The following FAT4 variants were observed in gnomAD, a reference collection of about 807,000 sequenced individuals.
FAT4 encodes the protein FAT atypical cadherin 4.
A neutral mutation model predicts 303.9 loss-of-function variants in FAT4; 84 were observed. The observed-to-expected ratio is 0.28, with a 90% CI of 0.23 to 0.33. The LOEUF (loss-of-function observed/expected upper bound fraction) is 0.33, where lower values mean the gene tolerates loss of function less well. Ranked by LOEUF, FAT4 falls within the 10% of genes least tolerant of loss-of-function variation. The probability of loss-of-function intolerance (pLI) is 1.00; values close to 1 mark genes in which losing one functional copy is unlikely to be tolerated. For synonymous variants in FAT4, 2,307 were observed against 2,298.8 expected (o/e 1.00, Z -0.10); for missense variants, 6,005 against 6,146.8 (o/e 0.98, Z 0.77).
chr4:125,442,365 A>AT (rs981620751), intron 8 of FAT4, among the ~76,000 whole-genome samples: 2 of 151,936 alleles, frequency 1.3e-5, no homozygotes, highest in East Asian at 1.9e-4. Context: ...TGAAACCAGG[A>AT]TTTTTTTTAA....
At chr4:125,323,501 A>G (rs536157420) in intron 2 of FAT4, among the ~76,000 whole-genome samples, 2 of 152,242 alleles carry the variant, frequency 1.3e-5, no homozygotes, top group East Asian at 3.9e-4. Context: ...GGAGAATTCA[A>G]TGTGATGATT....
chr4:125,468,588 C>G lies in FAT4; in HGVS notation c.11982C>G (p.Asp3994Glu). The change falls in exon 12 of 18, where the codon GAC becomes GAG. Residue 3994 changes from aspartate to glutamate, a missense_variant. Transcript: ENST00000394329. Reference protein sequence around the residue: ...ELSYMEFPSLDPNNNYIYVKF... With the variant: ...ELSYMEFPSLEPNNNYIYVKF... Reference sequence around the variant, plus strand: ...CATACATGGAATTTCCAAGCTTGGACCCCAATAACAACTATATTTATGTCA... The same window carrying G: ...CATACATGGAATTTCCAAGCTTGGAGCCCAATAACAACTATATTTATGTCA... The G allele has an allele frequency of 1.9e-6, 3 of 1,613,896 alleles. No individual in the cohort carries two copies. In the African/African-American group the frequency reaches 4.0e-5, roughly 22 times the overall value.
chr4:125,455,156 G>A (rs952692350), intron 10 of FAT4, among the ~76,000 whole-genome samples: 1 of 152,086 alleles, frequency 6.6e-6, no homozygotes, highest in African/African-American at 2.4e-5. Context: ...TTCTACATTA[G>A]TCTAATGCAT....
chr4:125,364,848 C>T (rs773534883), intron 2 of FAT4, among the ~76,000 whole-genome samples: 2 of 151,992 alleles, frequency 1.3e-5, no homozygotes, highest in South Asian at 2.1e-4. Flanking sequence ...GAGAAGCCAT[C>T]AAGAGTTTTT....
chr4:125,332,925 C>T (rs1418842385), intron 2 of FAT4, among the ~76,000 whole-genome samples: 1 of 151,940 alleles, frequency 6.6e-6, no homozygotes, highest in Non-Finnish European at 1.5e-5. Context: ...GATGGGCTTT[C>T]TTCTGCTCGG....
intron 2 of FAT4, among the ~76,000 whole-genome samples, chr4:125,328,037 C>T (rs908670753): frequency 1.2e-4 from 19 of 152,036 alleles, no homozygotes; most frequent in African/African-American, 4.6e-4. Context: ...AGGTGGTATT[C>T]CGAATTAGGC....
At position 125,487,608 on chromosome 4, in the gene FAT4, TA is replaced by T. The variant is rs770548082; in HGVS notation, c.13084+5del. The T allele has an allele frequency of 6.3e-7, 1 of 1,591,146 alleles. No individual in the cohort carries two copies. The highest frequency in any genetic ancestry group is 2.2e-5 in the East Asian group (1 of 44,518). ...AAGCACATCGAGATGCCCAAACAGG[TA>T]AATGCCTTTATTAAGTAGAGTCACA... On this transcript the variant is annotated splice_donor_region_variant and intron_variant, in intron 17 of 17. Coordinates refer to ENST00000394329, the MANE Select transcript of FAT4 (RefSeq NM_001291303.3).
intron 16 of FAT4, among the ~76,000 whole-genome samples, chr4:125,484,228 G>T (rs766009871): frequency 2.2e-4 from 34 of 151,990 alleles, no homozygotes; most frequent in Admixed American, 9.2e-4. Flanking sequence ...GGAGAGAGAA[G>T]AATATGTAGA....
At position 125,408,745 on chromosome 4, in the gene FAT4, A is replaced by C. The variant is rs766136442; in HGVS notation, c.5871A>C (p.Leu1957=). Residue 1957 remains leucine, a synonymous_variant, in exon 5 of 18, where the codon CTA becomes CTC. Coordinates refer to ENST00000394329, the MANE Select transcript of FAT4 (RefSeq NM_001291303.3). ...ACAGCACATCTTTAATGGAGAATCT[A>C]CCTGTGGGATCTACTGTTCTTGTGT... ...NSYSTSLMEN[L]PVGSTVLVFN... 1.9e-6 allele frequency: 3 copies of C among 1,605,004 alleles called. No individual in the cohort carries two copies. In the South Asian group the frequency reaches 3.3e-5, roughly 18 times the overall value.
intron 9 of FAT4, among the ~76,000 whole-genome samples, chr4:125,446,929 C>T (rs2126055213): frequency 6.6e-6 from 1 of 152,010 alleles, no homozygotes; most frequent in South Asian, 2.1e-4. Context: ...CTACCTGAAA[C>T]ATGATATGGG....
intron 2 of FAT4, among the ~76,000 whole-genome samples, chr4:125,362,559 T>A (rs62321343): frequency 0.29 from 43,973 of 152,070 alleles, 7,644 homozygotes; most frequent in Non-Finnish European, 0.39. Context: ...CAGTTTAGGA[T>A]CTGGTCTAGA....
chr4:125,358,275 A>G (rs1732514531), intron 2 of FAT4, among the ~76,000 whole-genome samples: 1 of 152,030 alleles, frequency 6.6e-6, no homozygotes, highest in Admixed American at 6.6e-5. Context: ...GGTTTCATGG[A>G]AGACAATTTT....
rs747287078 is a variant in FAT4, at chr4:125,393,952, T to A, written c.5176-4832T>A. The A allele has an allele frequency of 2.7e-5, 21 of 780,306 alleles. No individual in the cohort carries two copies. In the Admixed American group the frequency reaches 3.6e-4, roughly 13 times the overall value. The allele number at this position is 780,306 out of a possible 1,614,324, so 48.3% of individuals were successfully genotyped here. A position where few individuals can be genotyped will look rare whatever the true frequency, so the allele number is the denominator to read the frequency against. On this transcript the variant is annotated intron_variant, in intron 2 of 17. Transcript: ENST00000394329. Reference sequence around the variant, plus strand: ...GCTACCTAAATGGTAACAACGGTAGTGGCAGTGGGTGATACCTTAGCTCAA... The same window carrying A: ...GCTACCTAAATGGTAACAACGGTAGAGGCAGTGGGTGATACCTTAGCTCAA...
intron 2 of FAT4, among the ~76,000 whole-genome samples, chr4:125,381,499 A>G (rs980046002): frequency 6.6e-6 from 1 of 152,252 alleles, no homozygotes; most frequent in Non-Finnish European, 1.5e-5. Flanking sequence ...GTGCAATAAC[A>G]TTACATTTTT....
rs539047287 is a variant in FAT4 at position 125,393,635 on chromosome 4, C to T, written c.5176-5149C>T. 2.6e-5 allele frequency among the ~76,000 whole-genome samples: 4 copies of T among 152,146 alleles called. No individual in the cohort carries two copies. The East Asian group carries it at 5.8e-4, about 22-fold the overall frequency. On this transcript the variant is annotated intron_variant, in intron 2 of 17. Coordinates refer to ENST00000394329, the MANE Select transcript of FAT4 (RefSeq NM_001291303.3). ...GCATTATATTATTTTATGCACTATTCCCACAGAAATATTTTTTAGTTTTAA... is the reference window on the plus strand; with the variant it reads ...GCATTATATTATTTTATGCACTATTTCCACAGAAATATTTTTTAGTTTTAA...
At chr4:125,448,389 A>G in intron 9 of FAT4, 72 bp from the exon 10 acceptor site, 3 of 1,368,796 alleles carry the variant, frequency 2.2e-6, no homozygotes, top group South Asian at 1.4e-5. Context: ...AGTGTCTTAT[A>G]TGCACTTATC....
intron 7 of FAT4, among the ~76,000 whole-genome samples, chr4:125,431,324 A>G (rs1199320280): frequency 2.0e-5 from 3 of 152,162 alleles, no homozygotes; most frequent in Non-Finnish European, 2.9e-5. Context: ...CCAATTTACT[A>G]TGTCTTCCAT....
In FAT4 at chr4:125,462,311, C is replaced by T. The variant is rs140657331; in HGVS notation, c.11801-1252C>T. Among the ~76,000 whole-genome samples the T allele has an allele frequency of 5.0e-3, 755 of 151,910 alleles. 12 individuals are homozygous for T. The highest frequency in any genetic ancestry group is 0.017 in the African/African-American group (725 of 41,500). ...AGTATCTATGCTCAGCAGTAGGTCT[C>T]GTTGTGCATATAGAATGCATATCAT... On this transcript the variant is annotated intron_variant, in intron 10 of 17. Transcript: ENST00000394329.
chr4:125,411,551 C>T (rs1180789208), intron 5 of FAT4, among the ~76,000 whole-genome samples: 3 of 151,634 alleles, frequency 2.0e-5, no homozygotes, highest in Admixed American at 1.3e-4. Flanking sequence ...CTTGTTGAAA[C>T]TGCTTTATAA....
Sources: gnomAD v4.1 joint callset for allele counts (sites outside exome capture counted in the v4.1 genomes callset) on GRCh38, gnomAD v4.1.1 for gene constraint, MANE v1.5 for transcripts, NCBI Gene and HGNC (gene_info 2026-07-23, HGNC 2026-07-21) for gene names.